Variants in CEP63 observed in about 807,000 individuals in gnomAD.
The protein encoded by CEP63 is centrosomal protein 63, also known as centrosomal protein of 63 kDa.
A neutral mutation model predicts 89.1 loss-of-function variants in CEP63; 84 were observed. The ratio of observed to expected loss-of-function variants is 0.94; its 90% confidence interval spans 0.79 to 1.13. CEP63 has a LOEUF of 1.13. Among genes scored for constraint, CEP63 ranks in the 50% most tolerant of loss-of-function variants. CEP63 has a pLI of 0.00. For synonymous variants in CEP63, 267 were observed against 272.5 expected (o/e 0.98, Z 0.20); for missense variants, 838 against 813.3 (o/e 1.03, Z -0.37).
At chr3:134,679,054 A>G in the CEP63 span, among the ~76,000 whole-genome samples, 15 of 150,584 alleles carry the variant, frequency 1.0e-4, no homozygotes, top group Non-Finnish European at 2.1e-4. Context: ...AGATATCACC[A>G]TTGACATCCA....
chr3:134,731,734 C>A, the CEP63 span, among the ~76,000 whole-genome samples: 1 of 152,240 alleles, frequency 6.6e-6, no homozygotes, highest in East Asian at 1.9e-4. Context: ...AAACAAGCAC[C>A]ACGTTCCAAC....
chr3:134,708,894 G>A, the CEP63 span, among the ~76,000 whole-genome samples: 1 of 152,078 alleles, frequency 6.6e-6, no homozygotes, highest in South Asian at 2.1e-4. Flanking sequence ...TGTCTGGAAG[G>A]CTAGTGGGGG....
chr3:134,707,438 C>T, the CEP63 span, among the ~76,000 whole-genome samples: 10 of 152,312 alleles, frequency 6.6e-5, no homozygotes, highest in Admixed American at 5.9e-4. Flanking sequence ...ATGGATAGCA[C>T]AAGCAATTGG....
chr3:134,603,861 G>A, the CEP63 span: 160 of 1,614,040 alleles, frequency 9.9e-5, no homozygotes, highest in African/African-American at 1.9e-3. Context: ...AGCTCTCAGG[G>A]AACATGGGCC....
At chr3:134,559,876 G>T (rs1957031113) in intron 14 of CEP63, among the ~76,000 whole-genome samples, 1 of 152,210 alleles carries the variant, frequency 6.6e-6, no homozygotes, top group South Asian at 2.1e-4. Context: ...GGTCACAGAT[G>T]GTGGCCCTCA....
chr3:134,534,382 A>G (rs1950401874), intron 5 of CEP63, among the ~76,000 whole-genome samples: 1 of 152,130 alleles, frequency 6.6e-6, no homozygotes, highest in African/African-American at 2.4e-5. Flanking sequence ...TCTCATTTTC[A>G]AGCATTCAAT....
intron 3 of CEP63, among the ~76,000 whole-genome samples, chr3:134,508,694 C>T (rs1480975683): frequency 6.6e-6 from 1 of 152,116 alleles, no homozygotes; most frequent in Non-Finnish European, 1.5e-5. Context: ...ACTTAATGCC[C>T]TTGACATCAA....
the CEP63 span, among the ~76,000 whole-genome samples, chr3:134,606,442 C>G: frequency 6.6e-6 from 1 of 152,204 alleles, no homozygotes; most frequent in Admixed American, 6.5e-5. Context: ...CCCTCCCCAC[C>G]ACTTCCCCCA....
intron 3 of CEP63, among the ~76,000 whole-genome samples, chr3:134,512,918 C>G (rs918007427): frequency 2.0e-5 from 3 of 151,994 alleles, no homozygotes; most frequent in Non-Finnish European, 4.4e-5. Flanking sequence ...TTTTGTTTTC[C>G]TGGAAATTAC....
chr3:134,527,289 G>A (rs1037649258), intron 3 of CEP63, among the ~76,000 whole-genome samples: 3 of 152,122 alleles, frequency 2.0e-5, no homozygotes, highest in East Asian at 1.9e-4. Context: ...GGGGCAGGGC[G>A]CTGGCAGTTG....
chr3:134,565,659 T>C (rs1957724489), downstream of CEP63, among the ~76,000 whole-genome samples: 3 of 151,744 alleles, frequency 2.0e-5, no homozygotes, highest in South Asian at 6.2e-4. Context: ...GATTCACTAA[T>C]GAATCTAGTT....
intron 10 of CEP63, among the ~76,000 whole-genome samples, chr3:134,580,917 A>G (rs1016847463): frequency 1.3e-5 from 2 of 151,932 alleles, no homozygotes; most frequent in African/African-American, 4.8e-5. Flanking sequence ...ACCTTAAAAT[A>G]TGCAGATTAT....
chr3:134,595,035 G>T, the CEP63 span, among the ~76,000 whole-genome samples: 1 of 152,156 alleles, frequency 6.6e-6, no homozygotes, highest in Admixed American at 6.5e-5. Context: ...TAGCTTAATG[G>T]GAAGCCAGTG....
At chr3:134,651,050 G>A in the CEP63 span, 1 of 1,567,622 alleles carries the variant, frequency 6.4e-7, no homozygotes. Context: ...TGCCCCACAC[G>A]GGAGAGGGCG....
At chr3:134,665,180 G>C in the CEP63 span, among the ~76,000 whole-genome samples, 1 of 151,514 alleles carries the variant, frequency 6.6e-6, no homozygotes, top group Non-Finnish European at 1.5e-5. Flanking sequence ...TTGGGCTGGG[G>C]GAATGGGTCC....
At chr3:134,623,345 T>C in the CEP63 span, among the ~76,000 whole-genome samples, 148,392 of 152,250 alleles carry the variant, frequency 0.97, 72,431 homozygotes, top group East Asian at 1. Context: ...ACTTTCCTCA[T>C]TCACAGGTAA....
chr3:134,486,008 CGCA>C, upstream of CEP63: 2 of 983,736 alleles, frequency 2.0e-6, no homozygotes, highest in Non-Finnish European at 2.4e-6. Context: ...CCCCCTCCCC[CGCA>C]TCACGTGTCT....
the CEP63 span, among the ~76,000 whole-genome samples, chr3:134,628,594 A>C: frequency 6.6e-6 from 1 of 152,318 alleles, no homozygotes; most frequent in African/African-American, 2.4e-5. Context: ...TTTGTATTTC[A>C]CACCTACATT....
the CEP63 span, chr3:134,643,279 C>T: frequency 6.2e-7 from 1 of 1,608,836 alleles, no homozygotes. Flanking sequence ...GGGCACACCT[C>T]TGCAGGGGAG....
Sources: allele counts gnomAD v4.1 joint callset (sites outside exome capture counted in the v4.1 genomes callset), GRCh38; gene constraint gnomAD v4.1.1; transcripts MANE v1.5; gene names NCBI Gene and HGNC (gene_info 2026-07-23, HGNC 2026-07-21).